Variants in FREM1 observed in about 807,000 individuals in gnomAD.
FREM1 encodes the protein FRAS1-related extracellular matrix protein 1.
Under a neutral mutation model 210.1 loss-of-function variants are expected in FREM1, and 220 were observed. That is an observed-to-expected ratio of 1.05 (90% CI 0.94 to 1.17). The LOEUF (loss-of-function observed/expected upper bound fraction) is 1.17, where lower values mean the gene tolerates loss of function less well. FREM1 is among the 50% of genes most tolerant of loss of function. The pLI, the probability that FREM1 is intolerant of heterozygous loss-of-function variation, is 0.00. For missense variants in FREM1, 3,454 were observed against 2,675.5 expected (o/e 1.29, Z -6.42); for synonymous variants, 1,189 against 980.2 (o/e 1.21, Z -3.98).
chr9:14,775,219 C>T (rs567382030), intron 25 of FREM1, among the ~76,000 whole-genome samples: 2 of 152,274 alleles, frequency 1.3e-5, no homozygotes, highest in South Asian at 4.1e-4. Context: ...TAATACATTG[C>T]AAAGCAGAAA....
At chr9:14,803,728 A>T (rs1817784773) in intron 19 of FREM1, among the ~76,000 whole-genome samples, 1 of 152,128 alleles carries the variant, frequency 6.6e-6, no homozygotes, top group South Asian at 2.1e-4. Flanking sequence ...TCCTGCAACC[A>T]CATTTTATTG....
intron 10 of FREM1, among the ~76,000 whole-genome samples, chr9:14,829,051 G>A (rs1208680193): frequency 1.3e-5 from 2 of 152,214 alleles, no homozygotes; most frequent in African/African-American, 4.8e-5. Flanking sequence ...TAAAATGTCT[G>A]GCACATAGTA....
Position 14,824,840 on chromosome 9 carries a change from C to A in FREM1, c.2034G>T (p.Leu678=). 6.2e-7 allele frequency: 1 copy of A among 1,612,976 alleles called. No individual in the cohort carries two copies. Among genetic ancestry groups the A allele is most frequent in the Non-Finnish European group, 8.5e-7 (1 of 1,179,452 alleles). The change falls in exon 11 of 37, where the codon CTG becomes CTT. Residue 678 remains leucine (L), a synonymous_variant. Transcript: ENST00000380880. ...ATGGAGGAGTAGTTATTGTGTAGAC[C>A]AGCTCCCTGTCATATGATTCTGAAT... ...FIDSESYDRE[L]VYTITTPPFF... is the part of the protein sequence containing the mutation.
chr9:14,879,605 G>A (rs1240289357), intron 1 of FREM1, among the ~76,000 whole-genome samples: 1 of 152,144 alleles, frequency 6.6e-6, no homozygotes, highest in African/African-American at 2.4e-5. Context: ...TGGTTAAATA[G>A]CGTAGATATA....
chr9:14,829,279 T>C (rs1823087930), intron 10 of FREM1, among the ~76,000 whole-genome samples: 2 of 152,218 alleles, frequency 1.3e-5, no homozygotes, highest in South Asian at 4.1e-4. Flanking sequence ...TTTATAATAA[T>C]CCATCATTGG....
intron 35 of FREM1, among the ~76,000 whole-genome samples, chr9:14,741,401 T>C (rs1841554421): frequency 6.6e-6 from 1 of 152,218 alleles, no homozygotes; most frequent in Non-Finnish European, 1.5e-5. Context: ...GCAATGATGA[T>C]TTCTAGGCCT....
In FREM1 at chr9:14,794,937, G is replaced by A. The variant is rs561580599; in HGVS notation, c.3840-2053C>T. On this transcript the variant is annotated intron_variant, in intron 21 of 36. Coordinates refer to ENST00000380880, the MANE Select transcript of FREM1 (RefSeq NM_001379081.2). ...GGTGTGAACCTGGGAGACAGAGCTTGCAGTGAACCAACATCGTGCCACTGC... is the reference window on the plus strand; with the variant it reads ...GGTGTGAACCTGGGAGACAGAGCTTACAGTGAACCAACATCGTGCCACTGC... 3.4e-5 allele frequency among the ~76,000 whole-genome samples: 5 copies of A among 148,904 alleles called. No homozygotes were observed. The South Asian group carries it at 6.3e-4, about 19-fold the overall frequency.
At chr9:14,897,544 G>A (rs1008315475) in intron 1 of FREM1, among the ~76,000 whole-genome samples, 2 of 151,484 alleles carry the variant, frequency 1.3e-5, no homozygotes, top group East Asian at 1.9e-4. Context: ...AAAAAAAAGC[G>A]CAACACCTAA....
Position 14,747,685 on chromosome 9 carries a change from T to C in FREM1, c.5840A>G (p.Tyr1947Cys), listed in dbSNP as rs779551648. Residue 1947 changes from tyrosine (Y) to cysteine (C), a missense_variant, in exon 32 of 37, where the codon TAT (tyrosine) becomes TGT (cysteine). By Grantham distance (194) the Tyr-to-Cys change is radical. Transcript: ENST00000380880. ...SVYRNGTDII[Y>C]NYHGIVSLKL... is the part of the protein sequence containing the mutation. ...CAATTCTGTGACTACACTTACATTA[T>C]AGATGATGTCTGTTCCATTTCTATA... 5.9e-6 allele frequency: 9 copies of C among 1,529,578 alleles called. No individual in the cohort carries two copies. The African/African-American group carries it at 9.6e-5, about 16-fold the overall frequency. The allele number at this position is 1,529,578 out of a possible 1,614,324, so 94.8% of individuals were successfully genotyped here.
chr9:14,835,942 T>C (rs1360172222), intron 10 of FREM1, among the ~76,000 whole-genome samples: 1 of 152,200 alleles, frequency 6.6e-6, no homozygotes, highest in Non-Finnish European at 1.5e-5. Context: ...CTTATTCCTG[T>C]GAATCAACTG....
rs1232275393 is a variant in FREM1 at position 14,840,842 on chromosome 9, C to T, written c.1881+605G>A. Among the ~76,000 whole-genome samples, 3 of 152,204 alleles carry T rather than the reference C, an allele frequency of 2.0e-5. No homozygotes were observed. The East Asian group carries it at 5.8e-4, about 29-fold the overall frequency. On this transcript the variant is annotated intron_variant, in intron 10 of 36. Transcript: ENST00000380880. Reference sequence around the variant, plus strand: ...TGTAATTTCTATATGGCAATGTTTGCTTAAACTTCTTTCTGCATTCTACAC... The same window carrying T: ...TGTAATTTCTATATGGCAATGTTTGTTTAAACTTCTTTCTGCATTCTACAC...
In FREM1 at chr9:14,848,747, G is replaced by A. The variant is rs1827132704; in HGVS notation, c.1179C>T (p.Phe393=). 1 of 1,612,066 alleles carries A rather than the reference G, an allele frequency of 6.2e-7. No homozygotes were observed. Among genetic ancestry groups the A allele is most frequent in the Non-Finnish European group, 8.5e-7 (1 of 1,178,268 alleles). The change falls in exon 7 of 37, where the codon TTC becomes TTT. Residue 393 remains phenylalanine (F), a synonymous_variant. Coordinates refer to ENST00000380880, the MANE Select transcript of FREM1 (RefSeq NM_001379081.2). The part of the protein sequence containing the change: ...DEVELEVYDF[F]FERSAPMTVH... ...CTGTCATAGGTGCACTCCTTTCAAA[G>A]AAGAAGTCGTATACCTCCAATTCTA... is the stretch of plus-strand genomic sequence containing the variant.
intron 15 of FREM1, among the ~76,000 whole-genome samples, chr9:14,815,171 A>G (rs528936821): frequency 3.6e-4 from 55 of 152,332 alleles, no homozygotes; most frequent in Non-Finnish European, 6.9e-4. Context: ...TGATCATTAT[A>G]ATCACCTAGT....
chr9:14,828,808 G>A (rs1822994300), intron 10 of FREM1, among the ~76,000 whole-genome samples: 1 of 152,098 alleles, frequency 6.6e-6, no homozygotes, highest in African/African-American at 2.4e-5. Flanking sequence ...TGTATTGTTA[G>A]TTTACAAATG....
chr9:14,837,933 C>T (rs1202810489), intron 10 of FREM1, among the ~76,000 whole-genome samples: 1 of 152,170 alleles, frequency 6.6e-6, no homozygotes, highest in African/African-American at 2.4e-5. Context: ...GTGCTACTAG[C>T]TATCTTGAGT....
intron 1 of FREM1, among the ~76,000 whole-genome samples, chr9:14,895,166 T>C (rs981701900): frequency 6.6e-6 from 1 of 152,164 alleles, no homozygotes; most frequent in Non-Finnish European, 1.5e-5. Context: ...TTATTTGAGA[T>C]TCCTTACGGA....
At chr9:14,756,214 C>G (rs546052905) in intron 29 of FREM1, among the ~76,000 whole-genome samples, 160 bp downstream of exon 29, 38 of 152,176 alleles carry the variant, frequency 2.5e-4, no homozygotes, top group Non-Finnish European at 4.4e-5. Flanking sequence ...AACCTCAAAT[C>G]CAAACACCTC....
intron 8 of FREM1, among the ~76,000 whole-genome samples, chr9:14,844,264 C>T (rs199816278): frequency 2.7e-5 from 4 of 149,550 alleles, no homozygotes; most frequent in East Asian, 3.9e-4. Flanking sequence ...CTCCCTCTGT[C>T]GCCCAGGCTG....
At chr9:14,903,408 T>C (rs533901681) in intron 1 of FREM1, among the ~76,000 whole-genome samples, 1 of 152,050 alleles carries the variant, frequency 6.6e-6, no homozygotes, top group African/African-American at 2.4e-5. Flanking sequence ...AAAGAGTGGG[T>C]CATTATATCA....
Sources: allele counts gnomAD v4.1 joint callset (sites outside exome capture counted in the v4.1 genomes callset), GRCh38; gene constraint gnomAD v4.1.1; transcripts MANE v1.5; gene names NCBI Gene and HGNC (gene_info 2026-07-23, HGNC 2026-07-21).